The following DOCK8 variants were observed in gnomAD, a reference collection of about 807,000 sequenced individuals.
DOCK8 encodes the protein dedicator of cytokinesis 8.
DOCK8 carries 141 observed loss-of-function variants against 245.6 expected under a neutral mutation model. That is an observed-to-expected ratio of 0.57 (90% CI 0.50 to 0.66). DOCK8 has a LOEUF of 0.66. DOCK8 is among the 30% of genes least tolerant of loss of function. The probability of loss-of-function intolerance (pLI) is 0.00; values close to 1 mark genes in which losing one functional copy is unlikely to be tolerated. For missense variants in DOCK8, 2,965 were observed against 2,603.4 expected, an observed-to-expected ratio of 1.14 and a Z score of -3.02; for synonymous variants, 1,168 against 970.2, an observed-to-expected ratio of 1.20 and a Z score of -3.79.
At chr9:275,663 A>G (rs1274956622) in intron 2 of DOCK8, among the ~76,000 whole-genome samples, 1 of 137,084 alleles carries the variant, frequency 7.3e-6, no homozygotes, top group Non-Finnish European at 1.6e-5. Context: ...ATCTTGGCTC[A>G]CTGCAACTCC....
At chr9:307,943 ATAAG>A (rs1437470159) in intron 5 of DOCK8, among the ~76,000 whole-genome samples, 1 of 152,234 alleles carries the variant, frequency 6.6e-6, no homozygotes, top group Non-Finnish European at 1.5e-5. Context: ...GATAAGTGAA[ATAAG>A]CCAAGCACAG....
chr9:275,053 C>T (rs2048289181), intron 2 of DOCK8, among the ~76,000 whole-genome samples: 1 of 152,192 alleles, frequency 6.6e-6, no homozygotes, highest in Non-Finnish European at 1.5e-5. Context: ...GGATGAGGTA[C>T]AGTTGTCATT....
intron 24 of DOCK8, among the ~76,000 whole-genome samples, chr9:392,006 C>T (rs550063844): frequency 3.3e-5 from 5 of 151,216 alleles, no homozygotes; most frequent in East Asian, 3.9e-4. Context: ...GGTGTGGTGG[C>T]GGGTGCCTGT....
rs961253927 is a variant in DOCK8, at chr9:399,049, T to TA, written c.3121-95dup. 165 of 1,130,116 alleles carry TA rather than the reference T, an allele frequency of 1.5e-4. No homozygotes were observed. The African/African-American group carries it at 2.4e-3, about 16-fold the overall frequency. 70.0% of individuals were successfully genotyped at this position (1,130,116 alleles called of 1,614,324 possible). A position where few individuals can be genotyped will look rare whatever the true frequency, so the allele number is the denominator to read the frequency against. On this transcript the variant is annotated intron_variant, in intron 25 of 47. Transcript: ENST00000432829. ...CCACCCAGAAGGACAGTGGCTGAAA[T>TA]AATAGGACCTGTCTCTCCCAATGTT...
At chr9:394,704 T>G (rs2054364712) in intron 24 of DOCK8, among the ~76,000 whole-genome samples, 1 of 152,220 alleles carries the variant, frequency 6.6e-6, no homozygotes, top group African/African-American at 2.4e-5. Context: ...AAGTTCCACA[T>G]TAAGGGGTTC....
At chr9:298,232 C>T (rs2049351689) in intron 4 of DOCK8, among the ~76,000 whole-genome samples, 1 of 152,158 alleles carries the variant, frequency 6.6e-6, no homozygotes. Context: ...CGAGACCAGC[C>T]TGGCCAACAC....
chr9:331,052 A>G (rs1192767494), intron 9 of DOCK8, among the ~76,000 whole-genome samples: 1 of 152,206 alleles, frequency 6.6e-6, no homozygotes, highest in South Asian at 2.1e-4. Context: ...TCTGTTCAGA[A>G]TTTATTCTAA....
chr9:343,721 C>T (rs1014993558), intron 14 of DOCK8, among the ~76,000 whole-genome samples: 2 of 152,176 alleles, frequency 1.3e-5, no homozygotes, highest in South Asian at 4.1e-4. Context: ...TTTCGATTCT[C>T]TATTCCTTAG....
chr9:294,132 C>A (rs1337944968), intron 4 of DOCK8, among the ~76,000 whole-genome samples: 2 of 152,162 alleles, frequency 1.3e-5, no homozygotes, highest in African/African-American at 4.8e-5. Context: ...AGAGCTATAT[C>A]CCATTCTACT....
intron 1 of DOCK8, among the ~76,000 whole-genome samples, chr9:217,469 G>A (rs2046783304): frequency 6.6e-6 from 1 of 152,178 alleles, no homozygotes; most frequent in South Asian, 2.1e-4. Context: ...AATATGTGAT[G>A]AAATCTGATC....
intron 25 of DOCK8, 105 bp from the exon 26 acceptor site, chr9:399,041 G>A: frequency 9.7e-7 from 1 of 1,033,196 alleles, no homozygotes. Flanking sequence ...GAAGGACAGT[G>A]GCTGAAATAA....
upstream of DOCK8, chr9:213,184 G>C (rs1213869573): frequency 6.6e-6 from 1 of 152,132 alleles, no homozygotes; most frequent in Non-Finnish European, 1.5e-5. Flanking sequence ...AGTGAACTTT[G>C]TCTTATATGC....
chr9:215,981 G>A (rs2046742117), intron 1 of DOCK8, among the ~76,000 whole-genome samples: 1 of 152,170 alleles, frequency 6.6e-6, no homozygotes, highest in African/African-American at 2.4e-5. Context: ...CCTGTGAAAG[G>A]TGGATTCCAC....
intron 28 of DOCK8, among the ~76,000 whole-genome samples, chr9:409,538 GA>G (rs1290404148): frequency 1.3e-5 from 2 of 151,760 alleles, no homozygotes; most frequent in African/African-American, 4.8e-5. Context: ...TTGTTTGAAA[GA>G]AAAAAATGTA....
intron 7 of DOCK8, among the ~76,000 whole-genome samples, chr9:323,218 C>CTT (rs1164158230): frequency 2.5e-4 from 17 of 67,226 alleles, no homozygotes; most frequent in East Asian, 5.2e-4. Flanking sequence ...AATCTACCAT[C>CTT]TTTTTTTTTT....
At chr9:353,114 G>A (rs67176666) in intron 14 of DOCK8, among the ~76,000 whole-genome samples, 2,103 of 152,280 alleles carry the variant, frequency 0.014, 58 homozygotes, top group African/African-American at 0.046. Flanking sequence ...TCTCCTAAGA[G>A]ACACTAGAAC....
intron 1 of DOCK8, among the ~76,000 whole-genome samples, chr9:222,796 A>G (rs2046913558): frequency 6.6e-6 from 1 of 152,168 alleles, no homozygotes. Flanking sequence ...CAACTTAGTT[A>G]TTTCTTAATT....
Position 312,147 on chromosome 9 carries a change from T to A in DOCK8, c.722T>A (p.Leu241His). 6.2e-7 allele frequency: 1 copy of A among 1,614,192 alleles called. No homozygotes were observed. The highest frequency in any genetic ancestry group is 8.5e-7 in the Non-Finnish European group (1 of 1,180,014). Residue 241 changes from leucine to histidine, a missense_variant, in exon 6 of 48, where the codon CTT becomes CAT. Physicochemically the swap from Leu to His is moderately conservative, Grantham distance 99. This residue lies in a region of DOCK8 where 2,825 missense variants were observed against 2,453.5 expected (regional missense o/e 1.15). Coordinates refer to ENST00000432829, the MANE Select transcript of DOCK8 (RefSeq NM_203447.4). ...RTNRQAELFALYPSVDEEDAV... is the reference protein window; with the variant it reads ...RTNRQAELFAHYPSVDEEDAV... ...AATAGGCAGGCCGAGCTCTTTGCCC[T>A]TTACCCATCAGTGGACGAGGTGGGT...
rs145508660 is a variant in DOCK8 at position 325,109 on chromosome 9, C to T, written c.828-562C>T. Among the ~76,000 whole-genome samples, 430 of 142,966 alleles carry T rather than the reference C, an allele frequency of 3.0e-3. 1 individual carries two copies. Among genetic ancestry groups the T allele is most frequent in the African/African-American group, 6.7e-3 (252 of 37,818 alleles). 93.8% of individuals were successfully genotyped at this position (142,966 alleles called of 152,430 possible). ...TTACTTCACTCAGAATAACAACCCC[C>T]GGCTCCATCCAAGTTCCTGCAAAAG... On this transcript the variant is annotated intron_variant, in intron 7 of 47. Transcript: ENST00000432829.
Sources: gnomAD v4.1 joint callset for allele counts (sites outside exome capture counted in the v4.1 genomes callset) on GRCh38, gnomAD v4.1.1 for gene constraint, gnomAD v4.1.1 regional missense constraint, MANE v1.5 for transcripts, NCBI Gene and HGNC (gene_info 2026-07-23, HGNC 2026-07-21) for gene names.